Variants in CCDC192 observed in about 807,000 individuals in gnomAD.
CCDC192 encodes the protein coiled-coil domain-containing protein 192.
chr5:127,738,297 T>C (rs1753154174), intron 2 of CCDC192, among the ~76,000 whole-genome samples: 1 of 133,282 alleles, frequency 7.5e-6, no homozygotes, highest in Non-Finnish European at 1.6e-5. Context: ...TGCCAAGAGA[T>C]CCGCTGTTAG....
intron 5 of CCDC192, among the ~76,000 whole-genome samples, chr5:127,811,222 T>C (rs532553618): frequency 1.3e-5 from 2 of 152,318 alleles, no homozygotes; most frequent in African/African-American, 4.8e-5. Context: ...CCTTTTCTTT[T>C]TCAAAGCACC....
intron 6 of CCDC192, among the ~76,000 whole-genome samples, chr5:127,896,192 A>G (rs2127161274): frequency 6.6e-6 from 1 of 152,116 alleles, no homozygotes; most frequent in African/African-American, 2.4e-5. Context: ...CAATTCCAAC[A>G]CTTTGAGAGG....
At chr5:127,918,845 ATATG>A (rs1580826043) in intron 6 of CCDC192, among the ~76,000 whole-genome samples, 1 of 136,708 alleles carries the variant, frequency 7.3e-6, no homozygotes, top group South Asian at 2.3e-4. Context: ...CTGTGTGCAT[ATATG>A]TATGTGCATG....
chr5:127,724,935 A>G (rs1242048247), intron 2 of CCDC192, among the ~76,000 whole-genome samples: 6 of 152,114 alleles, frequency 3.9e-5, no homozygotes, highest in Admixed American at 3.9e-4. Context: ...TAGTATCATC[A>G]TTCACCATCT....
chr5:127,806,433 A>T (rs193258776), intron 5 of CCDC192, among the ~76,000 whole-genome samples: 1 of 152,156 alleles, frequency 6.6e-6, no homozygotes, highest in East Asian at 1.9e-4. Flanking sequence ...GCCCCCAGCT[A>T]CCGTTGCAGG....
At position 127,792,525 on chromosome 5, in the gene CCDC192, CATATAT is replaced by C. The variant is rs34017962; in HGVS notation, c.223-4561_223-4556del. 2.8e-3 allele frequency among the ~76,000 whole-genome samples: 399 copies of C among 141,300 alleles called. 2 individuals are homozygous for C. Among genetic ancestry groups the C allele is most frequent in the African/African-American group, 9.6e-3 (366 of 38,274 alleles). 92.7% of individuals were successfully genotyped at this position (141,300 alleles called of 152,430 possible). On this transcript the variant is annotated intron_variant, in intron 3 of 6. Coordinates refer to ENST00000514853, the MANE Select transcript of CCDC192 (RefSeq NM_001317938.2). ...ACACAACCAAACCATATCACCATCT[CATATAT>C]ATATATATATATATATGTATAAAAA... is the stretch of plus-strand genomic sequence containing the variant.
chr5:127,735,253 T>C (rs1168906078), intron 2 of CCDC192, among the ~76,000 whole-genome samples: 2 of 104,046 alleles, frequency 1.9e-5, no homozygotes, highest in Admixed American at 2.2e-4. Context: ...TGCGGCGTTA[T>C]TTCTGAGGGC....
chr5:127,797,775 A>ATATTTATT (rs1179907318), intron 4 of CCDC192, among the ~76,000 whole-genome samples: 118 of 127,362 alleles, frequency 9.3e-4, no homozygotes, highest in Non-Finnish European at 1.6e-3. Flanking sequence ...ATATATATAT[A>ATATTTATT]TATTTATTTA....
At chr5:127,705,398 A>G (rs1238776374) in intron 1 of CCDC192, among the ~76,000 whole-genome samples, 1 of 152,196 alleles carries the variant, frequency 6.6e-6, no homozygotes, top group African/African-American at 2.4e-5. Flanking sequence ...GAGTATGCAC[A>G]TAAGGGTATT....
intron 2 of CCDC192, among the ~76,000 whole-genome samples, chr5:127,720,120 A>G (rs1396642156): frequency 6.6e-6 from 1 of 152,172 alleles, no homozygotes; most frequent in African/African-American, 2.4e-5. Context: ...CATTAACTCA[A>G]AAGTCTACAG....
At chr5:127,803,191 A>C (rs1757601367) in intron 5 of CCDC192, among the ~76,000 whole-genome samples, 1 of 152,246 alleles carries the variant, frequency 6.6e-6, no homozygotes, top group African/African-American at 2.4e-5. Context: ...TTAAATTGAT[A>C]GCTATGAAAT....
intron 2 of CCDC192, among the ~76,000 whole-genome samples, chr5:127,738,778 C>G (rs543108332): frequency 7.2e-5 from 11 of 152,334 alleles, no homozygotes; most frequent in Non-Finnish European, 1.3e-4. Context: ...GTTTTCAGCT[C>G]CATCAGCTTC....
chr5:127,843,029 G>GTTTTTTTTTT (rs11428874), intron 5 of CCDC192, among the ~76,000 whole-genome samples: 4 of 91,758 alleles, frequency 4.4e-5, no homozygotes, highest in Non-Finnish European at 6.0e-5. Context: ...TTTTAGTCAA[G>GTTTTTTTTTT]TTTTTTTTTT....
At chr5:127,924,104 T>C (rs1271637226) in intron 6 of CCDC192, among the ~76,000 whole-genome samples, 1 of 152,216 alleles carries the variant, frequency 6.6e-6, no homozygotes, top group East Asian at 1.9e-4. Flanking sequence ...TTGAGGTTAA[T>C]CTCAAGTAAA....
intron 3 of CCDC192, chr5:127,786,928 TG>T: frequency 2.4e-6 from 1 of 412,130 alleles, no homozygotes. Context: ...TATCTGGACC[TG>T]GTCATGCTGT....
intron 6 of CCDC192, among the ~76,000 whole-genome samples, chr5:127,883,303 A>G (rs6894681): frequency 0.05 from 7,658 of 152,294 alleles, 508 homozygotes; most frequent in African/African-American, 0.15. Flanking sequence ...TACAGAAGCT[A>G]TACCAAGATG....
At chr5:127,840,591 A>G (rs1750237562) in intron 5 of CCDC192, among the ~76,000 whole-genome samples, 2 of 143,918 alleles carry the variant, frequency 1.4e-5, no homozygotes, top group Admixed American at 1.4e-4. Flanking sequence ...TGGTAAAATT[A>G]TTTTATTAAA....
intron 2 of CCDC192, among the ~76,000 whole-genome samples, chr5:127,723,459 A>C (rs1157171836): frequency 1.3e-5 from 2 of 152,138 alleles, no homozygotes; most frequent in Non-Finnish European, 2.9e-5. Flanking sequence ...TTTTATTCTC[A>C]TCTCATTGCT....
intron 5 of CCDC192, among the ~76,000 whole-genome samples, chr5:127,835,842 G>T (rs1438316809): frequency 6.6e-6 from 1 of 152,044 alleles, no homozygotes; most frequent in East Asian, 1.9e-4. Context: ...AACACCTGGG[G>T]ATTACAATTC....
Sources: allele counts gnomAD v4.1 joint callset (sites outside exome capture counted in the v4.1 genomes callset), GRCh38; gene constraint gnomAD v4.1.1; transcripts MANE v1.5; gene names NCBI Gene and HGNC (gene_info 2026-07-23, HGNC 2026-07-21).